The following PCDHA2 variants were observed in gnomAD, a reference collection of about 807,000 sequenced individuals.
PCDHA2 encodes the protein protocadherin alpha-2.
In PCDHA2, 58 loss-of-function variants were observed where a neutral mutation model predicts 66.0. The observed-to-expected ratio is 0.88, with a 90% CI of 0.71 to 1.09. PCDHA2 has a LOEUF of 1.09. PCDHA2 is among the 50% of genes least tolerant of loss of function. The pLI is 0.00. For missense variants in PCDHA2, 1,267 were observed against 1,242.3 expected (o/e 1.02, Z -0.30); for synonymous variants, 634 against 554.0 (o/e 1.14, Z -2.03).
chr5:140,870,315 C>T, intron 1 of PCDHA2: 1 of 1,614,234 alleles, frequency 6.2e-7, no homozygotes, highest in Non-Finnish European at 8.5e-7. Context: ...AGAATTACTA[C>T]TCGTTGGTGC....
At chr5:140,934,590 G>T (rs1305372783) in intron 1 of PCDHA2, among the ~76,000 whole-genome samples, 4 of 151,886 alleles carry the variant, frequency 2.6e-5, no homozygotes, top group Admixed American at 2.6e-4. Context: ...TCTGTAATGG[G>T]TCTTCAACTA....
intron 1 of PCDHA2, among the ~76,000 whole-genome samples, chr5:140,891,205 A>G (rs561238636): frequency 3.3e-5 from 5 of 152,120 alleles, no homozygotes; most frequent in African/African-American, 1.2e-4. Context: ...CAGTTTTACC[A>G]TGCTGTGTCT....
Position 140,989,317 on chromosome 5 carries a change from C to T in PCDHA2, c.2536+6754C>T, listed in dbSNP as rs184467267. Among the ~76,000 whole-genome samples, 489 of 152,240 alleles carry T rather than the reference C, an allele frequency of 3.2e-3. 2 individuals carry two copies. Among genetic ancestry groups the T allele is most frequent in the African/African-American group, 0.011 (440 of 41,530 alleles). Reference sequence around the variant, plus strand: ...AAAGGGCCAAGGAAGTAGGGTCTCACCAACTTTGCCACCTGACTCAGCTCA... The same window carrying T: ...AAAGGGCCAAGGAAGTAGGGTCTCATCAACTTTGCCACCTGACTCAGCTCA... On this transcript the variant is annotated intron_variant, in intron 3 of 3. Transcript: ENST00000526136.
chr5:141,010,327 G>A lies in PCDHA2; in HGVS notation c.*390G>A. 2 of 1,539,744 alleles carry A rather than the reference G, an allele frequency of 1.3e-6. No individual in the cohort carries two copies. Among genetic ancestry groups the A allele is most frequent in the African/African-American group, 2.8e-5 (2 of 72,602 alleles). ...AAAGTTTTGAGATTGAGCAGCTTGG[G>A]AGTTTGTGGCCACTGGGTATGTGTG... On this transcript the variant is annotated 3_prime_UTR_variant, in exon 4 of 4. Transcript: ENST00000526136.
At chr5:140,948,136 T>C (rs2094216707) in intron 1 of PCDHA2, among the ~76,000 whole-genome samples, 1 of 151,776 alleles carries the variant, frequency 6.6e-6, no homozygotes, top group African/African-American at 2.4e-5. Flanking sequence ...ATTACACTAA[T>C]TGATTTTTGA....
chr5:140,821,607 G>A, intron 1 of PCDHA2: 1 of 768,480 alleles, frequency 1.3e-6, no homozygotes, highest in Non-Finnish European at 2.0e-6. Context: ...AAGGAATACA[G>A]TGAGTAGATT....
intron 1 of PCDHA2, among the ~76,000 whole-genome samples, chr5:140,819,205 A>G (rs1431805536): frequency 2.0e-5 from 3 of 152,176 alleles, no homozygotes; most frequent in Non-Finnish European, 4.4e-5. Flanking sequence ...TTATTTATAC[A>G]TTTTTATACA....
chr5:140,890,515 T>C (rs996565867), intron 1 of PCDHA2, among the ~76,000 whole-genome samples: 2 of 152,198 alleles, frequency 1.3e-5, no homozygotes, highest in African/African-American at 4.8e-5. Context: ...CTCTATTTCC[T>C]TCCTTTGTTG....
intron 1 of PCDHA2, among the ~76,000 whole-genome samples, chr5:140,902,203 C>CTTTTT (rs148688132): frequency 5.6e-5 from 7 of 124,458 alleles, no homozygotes; most frequent in South Asian, 2.5e-4. Context: ...CTCTCTCTTT[C>CTTTTT]TTTTTTTTTT....
At position 140,877,496 on chromosome 5, in the gene PCDHA2, C is replaced by T. The variant is rs563591404; in HGVS notation, c.2388+80144C>T. On this transcript the variant is annotated intron_variant, in intron 1 of 3. Transcript: ENST00000526136. ...GTGTCGCTGGTGGAGAACGGCCAGG[C>T]CCCAAAGACGTCGTCGCGGGCCTCA... 24 of 1,613,862 alleles carry T rather than the reference C, an allele frequency of 1.5e-5. No individual in the cohort carries two copies. In the East Asian group the frequency reaches 4.9e-4, roughly 33 times the overall value.
intron 1 of PCDHA2, chr5:140,876,344 G>T (rs1554168492): frequency 6.2e-7 from 1 of 1,614,040 alleles, no homozygotes; most frequent in Admixed American, 1.7e-5. Flanking sequence ...AGTGAGAAAT[G>T]TATGTTTTCA....
At chr5:140,899,269 A>C (rs1301807291) in intron 1 of PCDHA2, among the ~76,000 whole-genome samples, 2 of 152,260 alleles carry the variant, frequency 1.3e-5, no homozygotes, top group East Asian at 3.9e-4. Context: ...GTCTTGTGGC[A>C]GTTTTCAAAG....
chr5:140,935,852 CTT>C (rs1267620281), intron 1 of PCDHA2, among the ~76,000 whole-genome samples: 2 of 149,326 alleles, frequency 1.3e-5, no homozygotes, highest in African/African-American at 4.9e-5. Context: ...TTAATGGTGT[CTT>C]TTGATTAGCA....
At chr5:140,982,602 G>A (rs1554244640) in intron 3 of PCDHA2, 39 bp downstream of exon 3, 2 of 1,607,914 alleles carry the variant, frequency 1.2e-6, no homozygotes, top group African/African-American at 2.7e-5. Context: ...CTTGGTTTCT[G>A]GAAAGTGATC....
At position 140,962,458 on chromosome 5, in the gene PCDHA2, G is replaced by A. The variant is rs535139362; in HGVS notation, c.2389-16491G>A. ...CCAAAGATGGCTTGAATCTCTTATG[G>A]CTTGAATCTCTTTGTTTATTCTAAG... On this transcript the variant is annotated intron_variant, in intron 1 of 3. Transcript: ENST00000526136. Among the ~76,000 whole-genome samples, 222 of 152,088 alleles carry A rather than the reference G, an allele frequency of 1.5e-3. 9 individuals carry two copies. In the South Asian group the frequency reaches 0.044, roughly 30 times the overall value.
intron 1 of PCDHA2, chr5:140,860,456 A>T (rs2046407427): frequency 6.6e-6 from 1 of 152,196 alleles, no homozygotes; most frequent in Non-Finnish European, 1.5e-5. Context: ...AATTCACGTG[A>T]TAATACAGTT....
At chr5:140,872,960 C>T (rs953236645) in intron 1 of PCDHA2, among the ~76,000 whole-genome samples, 10 of 152,142 alleles carry the variant, frequency 6.6e-5, no homozygotes, top group African/African-American at 2.4e-4. Context: ...GTAGTATCAT[C>T]CCATCTGAAG....
intron 1 of PCDHA2, among the ~76,000 whole-genome samples, chr5:140,902,203 C>CTT (rs148688132): frequency 1.7e-4 from 21 of 124,438 alleles, no homozygotes; most frequent in East Asian, 4.4e-4. Context: ...CTCTCTCTTT[C>CTT]TTTTTTTTTT....
At chr5:140,968,310 G>T (rs2096237719) in intron 1 of PCDHA2, 4 of 1,613,920 alleles carry the variant, frequency 2.5e-6, no homozygotes, top group Non-Finnish European at 3.4e-6. Flanking sequence ...GAGATTCAAG[G>T]GCTGCCAGTC....
Sources: allele counts gnomAD v4.1 joint callset (sites outside exome capture counted in the v4.1 genomes callset), GRCh38; gene constraint gnomAD v4.1.1; transcripts MANE v1.5; gene names NCBI Gene and HGNC (gene_info 2026-07-23, HGNC 2026-07-21).